Variants in NEXMIF observed in about 807,000 individuals in gnomAD.
NEXMIF encodes the protein XLMR protein related to neurite extension.
Under a neutral mutation model 62.1 loss-of-function variants are expected in NEXMIF, and 8 were observed. The observed-to-expected ratio is 0.13, with a 90% CI of 0.08 to 0.23. The LOEUF (loss-of-function observed/expected upper bound fraction) is 0.23. NEXMIF is among the 10% of genes least tolerant of loss of function. The probability of loss-of-function intolerance (pLI) is 1.00; values close to 1 mark genes in which losing one functional copy is unlikely to be tolerated. For missense variants in NEXMIF, 976 were observed against 1,113.3 expected (o/e 0.88, Z 1.75); for synonymous variants, 404 against 416.6 (o/e 0.97, Z 0.37).
Position 74,904,241 on chromosome X carries a change from G to T in NEXMIF, c.-48+20642C>A, listed in dbSNP as rs140261150. ...AGAGAGTAATGAAACTTCTCTGAAT[G>T]AATACTTTAGTAGCAGGAATCCTAG... On this transcript the variant is annotated intron_variant, in intron 1 of 3. Transcript: ENST00000055682. Among the ~76,000 whole-genome samples, 633 of 111,155 alleles carry T rather than the reference G, an allele frequency of 5.7e-3. 4 individuals carry two copies. The highest frequency in any genetic ancestry group is 0.019 in the African/African-American group (595 of 30,605).
rs139406946 is a variant in NEXMIF, at chrX:74,839,023, A to C, written c.-48+85860T>G. Among the ~76,000 whole-genome samples the C allele has an allele frequency of 9.1e-3, 1,014 of 111,695 alleles. 13 individuals carry two copies. Among genetic ancestry groups the C allele is most frequent in the African/African-American group, 0.032 (972 of 30,743 alleles). ...TCAGTGTGAACTAAGTTCAGTTGCC[A>C]TTAAAAATAATTACCCTGGAAAAGT... is the stretch of plus-strand genomic sequence containing the variant. On this transcript the variant is annotated intron_variant, in intron 1 of 3. Coordinates refer to ENST00000055682, the MANE Select transcript of NEXMIF (RefSeq NM_001008537.3).
At chrX:74,881,679 C>A (rs2080664710) in intron 1 of NEXMIF, among the ~76,000 whole-genome samples, 1 of 112,317 alleles carries the variant, frequency 8.9e-6, no homozygotes, top group Non-Finnish European at 1.9e-5. Flanking sequence ...CCAGGCATTG[C>A]CAAATGTCCT....
intron 1 of NEXMIF, among the ~76,000 whole-genome samples, chrX:74,859,157 G>A (rs765936363): frequency 7.2e-5 from 8 of 111,122 alleles, no homozygotes; most frequent in Admixed American, 3.8e-4. Flanking sequence ...ATCCAAGTAC[G>A]AGAAGGTTAT....
At chrX:74,843,418 T>A (rs969094317) in intron 1 of NEXMIF, among the ~76,000 whole-genome samples, 2 of 110,264 alleles carry the variant, frequency 1.8e-5, no homozygotes, top group African/African-American at 6.6e-5. Context: ...TCTTGCTTTT[T>A]TTTTTTGTTT....
At chrX:74,812,936 C>T (rs192419717) in intron 1 of NEXMIF, among the ~76,000 whole-genome samples, 1 of 111,549 alleles carries the variant, frequency 9.0e-6, no homozygotes, top group Admixed American at 9.6e-5. Context: ...CTTGGAAAAC[C>T]TGCTGTAGTG....
intron 1 of NEXMIF, among the ~76,000 whole-genome samples, chrX:74,762,568 A>G (rs1165783112): frequency 8.9e-6 from 1 of 111,818 alleles, no homozygotes; most frequent in Non-Finnish European, 1.9e-5. Flanking sequence ...GAACTAGTTT[A>G]CAGTCCCACC....
chrX:74,802,614 C>A (rs1027817684), intron 1 of NEXMIF, among the ~76,000 whole-genome samples: 4 of 109,996 alleles, frequency 3.6e-5, no homozygotes, highest in African/African-American at 1.3e-4. Flanking sequence ...ACCCAGACTG[C>A]GAAGACTACA....
intron 1 of NEXMIF, among the ~76,000 whole-genome samples, chrX:74,817,959 CACAA>C (rs1477046746): frequency 1.8e-5 from 2 of 110,493 alleles, no homozygotes; most frequent in Non-Finnish European, 3.8e-5. Context: ...TGAAAGATGA[CACAA>C]ACAAATAAGA....
At chrX:74,796,738 G>A (rs978915879) in intron 1 of NEXMIF, among the ~76,000 whole-genome samples, 1 of 111,101 alleles carries the variant, frequency 9.0e-6, no homozygotes, top group East Asian at 2.8e-4. Context: ...ATAAATATTA[G>A]CCCACATATA....
intron 1 of NEXMIF, among the ~76,000 whole-genome samples, chrX:74,917,365 G>A (rs1247268424): frequency 8.9e-6 from 1 of 111,810 alleles, no homozygotes; most frequent in Non-Finnish European, 1.9e-5. Context: ...CATGCTTCTT[G>A]TACAGCCTGT....
chrX:74,887,964 C>T lies in NEXMIF; in HGVS notation c.-48+36919G>A, dbSNP rs183215718. On this transcript the variant is annotated intron_variant, in intron 1 of 3. Transcript: ENST00000055682. The stretch of plus-strand genomic sequence containing the variant: ...ATATACACCATGGAATACTATGCAG[C>T]TATAAAAAAGGATGAGTTCATGTCC... Among the ~76,000 whole-genome samples the T allele has an allele frequency of 2.7e-5, 3 of 111,751 alleles. No individual in the cohort carries two copies. The Admixed American group carries it at 2.9e-4, about 11-fold the overall frequency.
chrX:74,872,078 G>A (rs747084794), intron 1 of NEXMIF, among the ~76,000 whole-genome samples: 15 of 111,421 alleles, frequency 1.3e-4, no homozygotes, highest in Non-Finnish European at 2.4e-4. Flanking sequence ...AGTAAAGACA[G>A]GCCTAAGAAA....
At chrX:74,879,609 G>A (rs545867017) in intron 1 of NEXMIF, among the ~76,000 whole-genome samples, 5 of 112,123 alleles carry the variant, frequency 4.5e-5, no homozygotes, top group African/African-American at 1.3e-4. Context: ...AGCATACATA[G>A]TAAAGACCAC....
At chrX:74,863,050 T>C (rs1475318620) in intron 1 of NEXMIF, among the ~76,000 whole-genome samples, 1 of 109,787 alleles carries the variant, frequency 9.1e-6, no homozygotes, top group Non-Finnish European at 1.9e-5. Context: ...CATGTGCTTG[T>C]AGTCCCCCCT....
chrX:74,753,901 C>T (rs1001034440), intron 1 of NEXMIF, among the ~76,000 whole-genome samples: 1 of 112,069 alleles, frequency 8.9e-6, no homozygotes, highest in Non-Finnish European at 1.9e-5. Context: ...GTTAAGATAC[C>T]ATTTGAAATT....
intron 1 of NEXMIF, among the ~76,000 whole-genome samples, chrX:74,912,859 A>C (rs780229970): frequency 2.2e-4 from 24 of 111,594 alleles, no homozygotes; most frequent in Non-Finnish European, 3.8e-4. Flanking sequence ...AGCAATAATG[A>C]GAAGTCCTGC....
At chrX:74,878,764 T>C (rs746560239) in intron 1 of NEXMIF, among the ~76,000 whole-genome samples, 1 of 112,428 alleles carries the variant, frequency 8.9e-6, no homozygotes, top group Non-Finnish European at 1.9e-5. Context: ...AGGTGCCGTC[T>C]GTCACCCCTT....
intron 1 of NEXMIF, among the ~76,000 whole-genome samples, chrX:74,756,263 A>C (rs1162569738): frequency 8.9e-6 from 1 of 112,272 alleles, no homozygotes; most frequent in African/African-American, 3.2e-5. Flanking sequence ...ACCTGGCCTA[A>C]ATTTTTAATT....
At chrX:74,749,451 T>C (rs1262948795) in intron 1 of NEXMIF, among the ~76,000 whole-genome samples, 1 of 110,972 alleles carries the variant, frequency 9.0e-6, no homozygotes, top group Non-Finnish European at 1.9e-5. Context: ...ATCCTCACCT[T>C]CTCCAGTTGT....
Sources: gnomAD v4.1 joint callset for allele counts (sites outside exome capture counted in the v4.1 genomes callset) on GRCh38, gnomAD v4.1.1 for gene constraint, MANE v1.5 for transcripts, NCBI Gene and HGNC (gene_info 2026-07-23, HGNC 2026-07-21) for gene names.